The following CARNMT1 variants were observed in gnomAD, a reference collection of about 807,000 sequenced individuals.
CARNMT1 encodes the protein protein-L-histidine N-pros-methyltransferase CARNMT1.
CARNMT1 carries 28 observed loss-of-function variants against 49.6 expected under a neutral mutation model. The ratio of observed to expected loss-of-function variants is 0.56; its 90% confidence interval spans 0.42 to 0.77. CARNMT1 has a LOEUF of 0.77. Ranked by LOEUF, CARNMT1 falls within the 30% of genes least tolerant of loss-of-function variation. CARNMT1 has a pLI of 0.00. For synonymous variants in CARNMT1, 178 were observed against 175.0 expected, an observed-to-expected ratio of 1.02 and a Z score of -0.13; for missense variants, 421 against 512.6, an observed-to-expected ratio of 0.82 and a Z score of 1.73.
At chr9:75,027,777 G>T (rs936057809) in intron 1 of CARNMT1, among the ~76,000 whole-genome samples, 2 of 152,242 alleles carry the variant, frequency 1.3e-5, no homozygotes, top group Non-Finnish European at 2.9e-5. Context: ...CTGATCCTGA[G>T]GTCAGAAGAC....
chr9:75,010,743 A>G (rs1277934650), intron 3 of CARNMT1, among the ~76,000 whole-genome samples: 1 of 152,132 alleles, frequency 6.6e-6, no homozygotes, highest in East Asian at 1.9e-4. Context: ...GATAAATACA[A>G]AGGAAACCAC....
In CARNMT1 at chr9:75,007,817, G is replaced by A. The variant is rs1833562609; in HGVS notation, c.591-7947C>T. On this transcript the variant is annotated intron_variant, in intron 3 of 7. Coordinates refer to ENST00000376834, the MANE Select transcript of CARNMT1 (RefSeq NM_152420.3). ...TACGAAAGTCCCACAGCTACTCAAT[G>A]GTGAAAGACTGAAAGCTTTCTCCCT... Among the ~76,000 whole-genome samples the A allele has an allele frequency of 2.7e-5, 4 of 150,466 alleles. No homozygotes were observed. The South Asian group carries it at 8.4e-4, about 32-fold the overall frequency.
At chr9:75,012,062 T>C (rs953040844) in intron 3 of CARNMT1, among the ~76,000 whole-genome samples, 2 of 152,106 alleles carry the variant, frequency 1.3e-5, no homozygotes, top group African/African-American at 4.8e-5. Flanking sequence ...GCAATCCCAC[T>C]TCTAAGAATT....
chr9:74,990,733 A>G (rs973382508), intron 6 of CARNMT1, among the ~76,000 whole-genome samples: 1 of 152,216 alleles, frequency 6.6e-6, no homozygotes, highest in Non-Finnish European at 1.5e-5. Flanking sequence ...GGCTTGGAAT[A>G]TCTGGTTGTT....
At chr9:75,027,883 C>A (rs1013400017) in intron 1 of CARNMT1, 129 bp downstream of exon 1, 5 of 1,073,166 alleles carry the variant, frequency 4.7e-6, no homozygotes, top group Middle Eastern at 3.2e-4. Flanking sequence ...CGGAGGTCAG[C>A]TGCAGCAGCC....
chr9:75,016,617 C>G (rs1833863705), intron 2 of CARNMT1, 186 bp from the exon 3 acceptor site: 3 of 561,018 alleles, frequency 5.3e-6, no homozygotes, highest in Non-Finnish European at 9.4e-6. Flanking sequence ...CTCACTGCTA[C>G]CCTCAAAAGA....
chr9:75,016,466 A>T (rs369519571), intron 2 of CARNMT1, 35 bp from the exon 3 acceptor site: 1 of 1,602,344 alleles, frequency 6.2e-7, no homozygotes, highest in Non-Finnish European at 8.5e-7. Context: ...AGCTTCTGAG[A>T]GAGTAATCCA....
intron 3 of CARNMT1, among the ~76,000 whole-genome samples, chr9:75,008,109 C>T (rs1178723341): frequency 7.0e-6 from 1 of 142,248 alleles, no homozygotes; most frequent in Non-Finnish European, 1.5e-5. Context: ...TTCCCTGGGC[C>T]ACACTGGAAG....
At chr9:74,992,610 T>C (rs1020529647) in intron 6 of CARNMT1, among the ~76,000 whole-genome samples, 1 of 152,192 alleles carries the variant, frequency 6.6e-6, no homozygotes, top group Non-Finnish European at 1.5e-5. Flanking sequence ...GCCAAAATCA[T>C]AGCCTTACCC....
rs1265129736 is a variant in CARNMT1 at position 75,009,560 on chromosome 9, C to T, written c.590+6708G>A. Reference sequence around the variant, plus strand: ...GAAACTTCAGAAAGCAGTAATATTCCTATATTGCCATATTTCTAGATGCAA... The same window carrying T: ...GAAACTTCAGAAAGCAGTAATATTCTTATATTGCCATATTTCTAGATGCAA... On this transcript the variant is annotated intron_variant, in intron 3 of 7. Transcript: ENST00000376834. Among the ~76,000 whole-genome samples the T allele has an allele frequency of 5.9e-5, 9 of 152,094 alleles. No individual in the cohort carries two copies. The South Asian group carries it at 1.9e-3, about 32-fold the overall frequency.
chr9:74,985,816 G>A lies in CARNMT1; in HGVS notation c.1025-806C>T, dbSNP rs559427685. ...GCTGGTCTTGAACTCCTGACCTCAA[G>A]TGATCCACCAGCCTTGGCCTCCCAA... On this transcript the variant is annotated intron_variant, in intron 6 of 7. Transcript: ENST00000376834. 2.0e-5 allele frequency among the ~76,000 whole-genome samples: 3 copies of A among 152,280 alleles called. No homozygotes were observed. In the South Asian group the frequency reaches 6.2e-4, roughly 32 times the overall value.
chr9:74,996,321 T>G, intron 6 of CARNMT1, 126 bp downstream of exon 6: 11 of 591,204 alleles, frequency 1.9e-5, no homozygotes, highest in Non-Finnish European at 3.2e-5. Context: ...GAAACTGTAG[T>G]GGTTTTAAAA....
chr9:74,996,276 C>G (rs1833186843), intron 6 of CARNMT1, 171 bp downstream of exon 6: 1 of 522,190 alleles, frequency 1.9e-6, no homozygotes, highest in African/African-American at 1.9e-5. Context: ...CTTCCACTGC[C>G]TTTGGAGGGA....
intron 3 of CARNMT1, among the ~76,000 whole-genome samples, chr9:75,008,384 T>C (rs1213311602): frequency 6.6e-6 from 1 of 152,082 alleles, no homozygotes; most frequent in Non-Finnish European, 1.5e-5. Flanking sequence ...CAGGCTGGAG[T>C]GCAATGGCAC....
chr9:75,024,885 C>A (rs927670421), intron 1 of CARNMT1, among the ~76,000 whole-genome samples: 1 of 152,022 alleles, frequency 6.6e-6, no homozygotes, highest in African/African-American at 2.4e-5. Context: ...TACTACTGAC[C>A]GAAAGCCGTA....
chr9:75,006,775 C>T (rs949928991), intron 3 of CARNMT1, among the ~76,000 whole-genome samples: 1 of 152,074 alleles, frequency 6.6e-6, no homozygotes, highest in African/African-American at 2.4e-5. Flanking sequence ...AAAAAATAAC[C>T]TATTAGTACC....
Position 75,023,942 on chromosome 9 carries a change from A to G in CARNMT1, c.230+4070T>C, listed in dbSNP as rs1308258212. 2.0e-5 allele frequency among the ~76,000 whole-genome samples: 3 copies of G among 152,258 alleles called. No homozygotes were observed. In the East Asian group the frequency reaches 5.8e-4, roughly 29 times the overall value. On this transcript the variant is annotated intron_variant, in intron 1 of 7. Coordinates refer to ENST00000376834, the MANE Select transcript of CARNMT1 (RefSeq NM_152420.3). ...ACTCTCCTTGGTTCTGAACTAAGTC[A>G]GCATCAGGAGGTGACATCCTCTTGC...
intron 3 of CARNMT1, among the ~76,000 whole-genome samples, chr9:75,008,169 A>G (rs1449399022): frequency 3.2e-4 from 6 of 18,536 alleles, no homozygotes; most frequent in Non-Finnish European, 3.0e-4. Flanking sequence ...CTGATGAGCT[A>G]AAAAAAAAAA....
intron 1 of CARNMT1, among the ~76,000 whole-genome samples, chr9:75,021,496 CA>C (rs2118870844): frequency 6.9e-6 from 1 of 144,384 alleles, no homozygotes; most frequent in South Asian, 2.1e-4. Flanking sequence ...ATCTACTGTT[CA>C]AAAAAGGAGT....
Sources: allele counts gnomAD v4.1 joint callset (sites outside exome capture counted in the v4.1 genomes callset), GRCh38; gene constraint gnomAD v4.1.1; transcripts MANE v1.5; gene names NCBI Gene and HGNC (gene_info 2026-07-23, HGNC 2026-07-21).